FNIP2: variants seen among roughly 807,000 people sequenced by gnomAD.
The protein encoded by FNIP2 is folliculin-interacting protein 2.
FNIP2 carries 32 observed loss-of-function variants against 108.7 expected under a neutral mutation model. That is an observed-to-expected ratio of 0.29 (90% CI 0.22 to 0.40). FNIP2 has a LOEUF of 0.40. Among genes scored for constraint, FNIP2 ranks in the 10% least tolerant of loss-of-function variants. The pLI is 1.00. For missense variants in FNIP2, 1,202 were observed against 1,381.6 expected (o/e 0.87, Z 2.06); for synonymous variants, 480 against 496.7 (o/e 0.97, Z 0.45).
At chr4:158,899,409 A>G (rs974618271) in intron 16 of FNIP2, among the ~76,000 whole-genome samples, 1 of 152,056 alleles carries the variant, frequency 6.6e-6, no homozygotes, top group African/African-American at 2.4e-5. Flanking sequence ...TATTGTTTGG[A>G]ATAGTTTCAG....
chr4:158,784,752 A>C (rs1273415904), intron 1 of FNIP2, among the ~76,000 whole-genome samples: 1 of 152,000 alleles, frequency 6.6e-6, no homozygotes, highest in African/African-American at 2.4e-5. Flanking sequence ...AGTAATGCTC[A>C]CTCGCCCACC....
intron 1 of FNIP2, 147 bp from the exon 2 acceptor site, chr4:158,825,769 G>A (rs1560779893): frequency 1.1e-6 from 1 of 948,794 alleles, no homozygotes. Context: ...AGGCTCACTG[G>A]TGCCCCAGTT....
intron 1 of FNIP2, among the ~76,000 whole-genome samples, chr4:158,772,614 G>A (rs930387703): frequency 6.6e-6 from 1 of 152,206 alleles, no homozygotes; most frequent in African/African-American, 2.4e-5. Flanking sequence ...TGCCAGAGAA[G>A]AGTATACCTA....
Position 158,892,552 on chromosome 4 carries a change from A to T in FNIP2, c.3150+906A>T, listed in dbSNP as rs34378993. On this transcript the variant is annotated intron_variant, in intron 15 of 16. Coordinates refer to ENST00000264433, the MANE Select transcript of FNIP2 (RefSeq NM_020840.3). Reference sequence around the variant, plus strand: ...CGTATGTGCAGAGAAATTGAAAGAAAGAGAAAATACATTTAGAGAGGGAGG... The same window carrying T: ...CGTATGTGCAGAGAAATTGAAAGAATGAGAAAATACATTTAGAGAGGGAGG... Among the ~76,000 whole-genome samples, 723 of 152,322 alleles carry T rather than the reference A, an allele frequency of 4.7e-3. 3 individuals are homozygous for T. In the Middle Eastern group the frequency reaches 0.051, roughly 11 times the overall value.
intron 3 of FNIP2, among the ~76,000 whole-genome samples, chr4:158,829,788 AG>A (rs1017737295): frequency 3.0e-4 from 45 of 152,274 alleles, no homozygotes; most frequent in Middle Eastern, 3.4e-3. Context: ...CAAGATAAAA[AG>A]GAAGAAATGT....
intron 14 of FNIP2, among the ~76,000 whole-genome samples, chr4:158,888,490 C>T (rs893243658): frequency 3.9e-5 from 6 of 152,168 alleles, no homozygotes; most frequent in Admixed American, 2.0e-4. Context: ...AAGATTCAGC[C>T]CCACTTTCAA....
intron 1 of FNIP2, 108 bp from the exon 2 acceptor site, chr4:158,825,808 G>A: frequency 7.5e-7 from 1 of 1,335,024 alleles, no homozygotes; most frequent in Non-Finnish European, 1.0e-6. Flanking sequence ...CTGCATGCTT[G>A]TGGCCTTTTG....
intron 7 of FNIP2, among the ~76,000 whole-genome samples, chr4:158,838,819 G>A (rs1178387371): frequency 6.6e-6 from 1 of 152,044 alleles, no homozygotes; most frequent in African/African-American, 2.4e-5. Context: ...ACACTTAGTT[G>A]TCATGTTCTT....
intron 14 of FNIP2, among the ~76,000 whole-genome samples, chr4:158,880,449 G>C (rs1781527112): frequency 6.6e-6 from 1 of 152,162 alleles, no homozygotes; most frequent in Non-Finnish European, 1.5e-5. Flanking sequence ...GGTGGAGTGG[G>C]GGGAGTGGGG....
intron 5 of FNIP2, among the ~76,000 whole-genome samples, chr4:158,832,513 G>A (rs1778541433): frequency 1.3e-5 from 2 of 152,136 alleles, no homozygotes. Context: ...CTTTCAAGCA[G>A]AAATATTTCA....
At chr4:158,795,582 CAT>C (rs1465490432) in intron 1 of FNIP2, among the ~76,000 whole-genome samples, 1 of 152,224 alleles carries the variant, frequency 6.6e-6, no homozygotes, top group African/African-American at 2.4e-5. Context: ...CACTTCCACA[CAT>C]GTTCTGTTAC....
chr4:158,827,114 T>C (rs1187261102), intron 2 of FNIP2, among the ~76,000 whole-genome samples: 4 of 152,156 alleles, frequency 2.6e-5, no homozygotes, highest in African/African-American at 9.7e-5. Flanking sequence ...ACAGTAGTTG[T>C]TGGGCTTGTT....
intron 1 of FNIP2, among the ~76,000 whole-genome samples, chr4:158,801,156 G>A (rs2126476558): frequency 6.6e-6 from 1 of 152,264 alleles, no homozygotes; most frequent in Admixed American, 6.5e-5. Context: ...CCTAGCTGAA[G>A]TGCTGGACTG....
chr4:158,803,137 GAGTCT>G (rs1776816867), intron 1 of FNIP2, among the ~76,000 whole-genome samples: 1 of 152,180 alleles, frequency 6.6e-6, no homozygotes, highest in African/African-American at 2.4e-5. Flanking sequence ...TGGAATGTGG[GAGTCT>G]AGTCAGTGAT....
At chr4:158,845,202 C>G (rs925395539) in intron 7 of FNIP2, among the ~76,000 whole-genome samples, 3 of 152,190 alleles carry the variant, frequency 2.0e-5, no homozygotes, top group African/African-American at 7.2e-5. Context: ...ACTTTTGAAA[C>G]TGAAACTGAG....
chr4:158,776,122 A>G (rs12645714), intron 1 of FNIP2, among the ~76,000 whole-genome samples: 82,369 of 152,034 alleles, frequency 0.54, 23,526 homozygotes, highest in East Asian at 0.89. Context: ...CTGATGTCTA[A>G]TTGAAAATGA....
rs116790846 is a variant in FNIP2 at position 158,877,010 on chromosome 4, A to G, written c.2949+6541A>G. On this transcript the variant is annotated intron_variant, in intron 14 of 16. Transcript: ENST00000264433. ...GATGTTTTTCCCAAAATGTTTTACT[A>G]CCTACAAGATATTTGAACATCTGTG... 8.3e-3 allele frequency among the ~76,000 whole-genome samples: 1,260 copies of G among 152,274 alleles called. 20 individuals are homozygous for G. Among genetic ancestry groups the G allele is most frequent in the African/African-American group, 0.029 (1,188 of 41,546 alleles).
intron 3 of FNIP2, among the ~76,000 whole-genome samples, chr4:158,831,024 C>T (rs754748258): frequency 1.6e-4 from 25 of 152,056 alleles, no homozygotes; most frequent in Non-Finnish European, 2.6e-4. Flanking sequence ...GTTGAAAAGG[C>T]GGGCAGTTAG....
rs985260225 is a variant in FNIP2 at position 158,870,297 on chromosome 4, C to T, written c.2793-16C>T. ...ATTTTTAGCTGTGCATTTTAATGGG[C>T]CACATGTTGTTTTAGGTCTCAGAGC... is the stretch of plus-strand genomic sequence containing the variant. On this transcript the variant is annotated splice_polypyrimidine_tract_variant and intron_variant, in intron 13 of 16. Transcript: ENST00000264433. 3.1e-6 allele frequency: 5 copies of T among 1,609,446 alleles called. No homozygotes were observed. Among genetic ancestry groups the T allele is most frequent in the Non-Finnish European group, 3.4e-6 (4 of 1,176,268 alleles).
Sources: allele counts gnomAD v4.1 joint callset (sites outside exome capture counted in the v4.1 genomes callset), GRCh38; gene constraint gnomAD v4.1.1; transcripts MANE v1.5; gene names NCBI Gene and HGNC (gene_info 2026-07-23, HGNC 2026-07-21).